DACH1: variants seen among roughly 807,000 people sequenced by gnomAD.
The protein encoded by DACH1 is dachshund homolog 1.
In DACH1, 12 loss-of-function variants were observed where a neutral mutation model predicts 54.2. The ratio of observed to expected loss-of-function variants is 0.22; its 90% CI spans 0.14 to 0.36. The LOEUF (loss-of-function observed/expected upper bound fraction) is 0.36, where lower values mean the gene tolerates loss of function less well. Ranked by LOEUF, DACH1 falls within the 10% of genes least tolerant of loss-of-function variation. DACH1 has a pLI of 1.00. For missense variants in DACH1, 805 were observed against 929.8 expected (o/e 0.87, Z 1.75); for synonymous variants, 386 against 366.2 (o/e 1.05, Z -0.62).
At chr13:71,688,005 T>A (rs576640057) in intron 1 of DACH1, among the ~76,000 whole-genome samples, 1 of 152,334 alleles carries the variant, frequency 6.6e-6, no homozygotes, top group Non-Finnish European at 1.5e-5. Flanking sequence ...CTAAACTTTA[T>A]TAGTGCCTGA....
chr13:71,683,747 G>A (rs1881022413), intron 1 of DACH1, among the ~76,000 whole-genome samples: 1 of 151,998 alleles, frequency 6.6e-6, no homozygotes, highest in Non-Finnish European at 1.5e-5. Flanking sequence ...TCAATCAACA[G>A]CCCTCTGATA....
chr13:71,457,752 T>C (rs1044678688), intron 10 of DACH1, among the ~76,000 whole-genome samples: 2 of 152,016 alleles, frequency 1.3e-5, no homozygotes, highest in African/African-American at 2.4e-5. Flanking sequence ...ATCAAGATTA[T>C]GCAAAGAGAT....
intron 4 of DACH1, among the ~76,000 whole-genome samples, chr13:71,565,267 T>G (rs1425115629): frequency 6.6e-6 from 1 of 152,132 alleles, no homozygotes; most frequent in Non-Finnish European, 1.5e-5. Context: ...CAGCACTTTA[T>G]ATAACCAAAA....
At chr13:71,447,914 G>T (rs1412085693) in intron 10 of DACH1, among the ~76,000 whole-genome samples, 2 of 151,968 alleles carry the variant, frequency 1.3e-5, no homozygotes, top group East Asian at 1.9e-4. Context: ...AATCCAATTT[G>T]TTCACTGTGA....
At chr13:71,775,411 A>T (rs566258566) in intron 1 of DACH1, among the ~76,000 whole-genome samples, 24 of 152,140 alleles carry the variant, frequency 1.6e-4, no homozygotes, top group African/African-American at 5.8e-4. Flanking sequence ...GCTGTGATAT[A>T]AATTTTTAAA....
intron 2 of DACH1, among the ~76,000 whole-genome samples, chr13:71,673,929 C>T (rs1367977340): frequency 6.6e-6 from 1 of 152,090 alleles, no homozygotes; most frequent in Admixed American, 6.6e-5. Context: ...TAGTATACTT[C>T]CATTAGGCTC....
At chr13:71,678,925 G>T (rs1486212332) in intron 2 of DACH1, among the ~76,000 whole-genome samples, 1 of 152,144 alleles carries the variant, frequency 6.6e-6, no homozygotes, top group African/African-American at 2.4e-5. Flanking sequence ...CTCTCCAAGT[G>T]CTGGGATTGT....
intron 2 of DACH1, among the ~76,000 whole-genome samples, chr13:71,670,734 A>G (rs1174475091): frequency 6.6e-6 from 1 of 152,068 alleles, no homozygotes; most frequent in East Asian, 1.9e-4. Context: ...TAAGACTGGG[A>G]TCAGCCTAAT....
chr13:71,507,891 A>T (rs1375016663), intron 6 of DACH1, among the ~76,000 whole-genome samples: 1 of 152,154 alleles, frequency 6.6e-6, no homozygotes, highest in African/African-American at 2.4e-5. Flanking sequence ...ATTGTCTATC[A>T]TCTATTTATT....
chr13:71,503,776 T>G (rs1880102112), intron 6 of DACH1, among the ~76,000 whole-genome samples: 1 of 152,220 alleles, frequency 6.6e-6, no homozygotes, highest in Non-Finnish European at 1.5e-5. Context: ...GGAAACTATT[T>G]CTTAGAAATT....
chr13:71,497,199 TAATATA>T (rs1183196632), intron 6 of DACH1, among the ~76,000 whole-genome samples: 1 of 152,182 alleles, frequency 6.6e-6, no homozygotes, highest in South Asian at 2.1e-4. Context: ...AATACTATAT[TAATATA>T]AAGTATGAAT....
At position 71,756,524 on chromosome 13, in the gene DACH1, GA is replaced by G. The variant is rs573318084; in HGVS notation, c.849-74615del. On this transcript the variant is annotated intron_variant, in intron 1 of 10. Coordinates refer to ENST00000613252, the MANE Select transcript of DACH1 (RefSeq NM_080759.6). Reference sequence around the variant, plus strand: ...GTTTAGGGTTTGTTTTCAAAACAATGAAAAAAAAAAACATTTTATTTTAAAA... The same window carrying G: ...GTTTAGGGTTTGTTTTCAAAACAATGAAAAAAAAAACATTTTATTTTAAAA... Among the ~76,000 whole-genome samples the G allele has an allele frequency of 8.5e-3, 1,243 of 145,820 alleles. 12 individuals are homozygous for G. Among genetic ancestry groups the G allele is most frequent in the East Asian group, 0.019 (92 of 4,928 alleles).
intron 6 of DACH1, among the ~76,000 whole-genome samples, chr13:71,534,087 C>T (rs1882596536): frequency 1.3e-5 from 2 of 152,034 alleles, no homozygotes; most frequent in Admixed American, 1.3e-4. Flanking sequence ...CAAGAAGACA[C>T]TATCAGTAGA....
At chr13:71,814,712 T>A (rs1050370513) in intron 1 of DACH1, among the ~76,000 whole-genome samples, 4 of 152,242 alleles carry the variant, frequency 2.6e-5, no homozygotes, top group African/African-American at 9.6e-5. Flanking sequence ...TTAATTGCCA[T>A]AGCAATTGTC....
intron 6 of DACH1, among the ~76,000 whole-genome samples, chr13:71,539,558 TA>T (rs1433609126): frequency 1.3e-5 from 2 of 152,084 alleles, no homozygotes; most frequent in Non-Finnish European, 2.9e-5. Flanking sequence ...ATAATCAATA[TA>T]AAAACTTGCA....
intron 1 of DACH1, among the ~76,000 whole-genome samples, chr13:71,845,343 A>G (rs1873162587): frequency 6.6e-6 from 1 of 152,218 alleles, no homozygotes; most frequent in African/African-American, 2.4e-5. Context: ...GCCAATATGA[A>G]AAACAAGTTA....
intron 2 of DACH1, among the ~76,000 whole-genome samples, chr13:71,648,029 T>C (rs758130228): frequency 3.9e-5 from 6 of 152,194 alleles, no homozygotes; most frequent in Non-Finnish European, 8.8e-5. Context: ...TTTTTATATT[T>C]AGAGTTACCA....
intron 3 of DACH1, among the ~76,000 whole-genome samples, chr13:71,582,480 A>G (rs1001736794): frequency 3.3e-5 from 5 of 152,178 alleles, no homozygotes; most frequent in Admixed American, 6.5e-5. Context: ...AAAACCAAAT[A>G]GACACAACTA....
intron 3 of DACH1, among the ~76,000 whole-genome samples, chr13:71,611,461 C>A (rs919938944): frequency 6.6e-6 from 1 of 152,134 alleles, no homozygotes; most frequent in East Asian, 1.9e-4. Context: ...CGGAATAGAT[C>A]TTCAACAGGG....
Sources: gnomAD v4.1 joint callset for allele counts (sites outside exome capture counted in the v4.1 genomes callset) on GRCh38, gnomAD v4.1.1 for gene constraint, MANE v1.5 for transcripts, NCBI Gene and HGNC (gene_info 2026-07-23, HGNC 2026-07-21) for gene names.